Variants in MAVS observed in about 807,000 individuals in gnomAD.
MAVS encodes the protein mitochondrial antiviral signaling protein, also known as mitochondrial antiviral-signaling protein.
A neutral mutation model predicts 30.2 loss-of-function variants in MAVS; 20 were observed. The ratio of observed to expected loss-of-function variants is 0.66; its 90% CI spans 0.47 to 0.96. The LOEUF is 0.96. Ranked by LOEUF, MAVS falls within the 40% of genes least tolerant of loss-of-function variation. The probability of loss-of-function intolerance (pLI) is 0.00; values close to 1 mark genes in which losing one functional copy is unlikely to be tolerated. For missense variants in MAVS, 624 were observed against 701.1 expected, an observed-to-expected ratio of 0.89 and a Z score of 1.24; for synonymous variants, 278 against 293.9, an observed-to-expected ratio of 0.95 and a Z score of 0.55.
intron 1 of MAVS, among the ~76,000 whole-genome samples, chr20:3,853,072 C>A (rs1274187332): frequency 6.6e-6 from 1 of 150,828 alleles, no homozygotes; most frequent in South Asian, 2.1e-4. Context: ...AACTCCTGAC[C>A]TCGTGATCCA....
At chr20:3,853,365 C>G (rs933916486) in intron 1 of MAVS, among the ~76,000 whole-genome samples, 3 of 150,826 alleles carry the variant, frequency 2.0e-5, no homozygotes, top group Non-Finnish European at 4.4e-5. Flanking sequence ...GGGCGCCTGT[C>G]GTCCCAGCTA....
rs1020708034 is a variant in MAVS, at chr20:3,876,043, T to C, written c.*9896T>C. ...TACTTTAATTTTTTTTCCTACTTGCTGTCATGATGATGTCCTTAGAATTGT... is the reference window on the plus strand; with the variant it reads ...TACTTTAATTTTTTTTCCTACTTGCCGTCATGATGATGTCCTTAGAATTGT... On this transcript the variant is annotated 3_prime_UTR_variant, in exon 7 of 7. Coordinates refer to ENST00000428216, the MANE Select transcript of MAVS (RefSeq NM_020746.5). 6.6e-6 allele frequency: 1 copy of C among 152,362 alleles called. No homozygotes were observed. The highest frequency in any genetic ancestry group is 6.5e-5 in the Admixed American group (1 of 15,274). 9.4% of individuals were successfully genotyped at this position (152,362 alleles called of 1,614,324 possible).
chr20:3,867,157 T>C lies in MAVS; in HGVS notation c.*1010T>C, dbSNP rs1432933631. 1 of 430,272 alleles carries C rather than the reference T, an allele frequency of 2.3e-6. No homozygotes were observed. Among genetic ancestry groups the C allele is most frequent in the Admixed American group, 2.4e-5 (1 of 41,020 alleles). 26.7% of individuals were successfully genotyped at this position (430,272 alleles called of 1,614,324 possible). A position where few individuals can be genotyped will look rare whatever the true frequency, so the allele number is the denominator to read the frequency against. On this transcript the variant is annotated 3_prime_UTR_variant, in exon 7 of 7. Coordinates refer to ENST00000428216, the MANE Select transcript of MAVS (RefSeq NM_020746.5). Reference sequence around the variant, plus strand: ...AGTGCACAGTGGTCAAGGGTGCAGCTCTGCAGCACAGGCAGCCTAGGCCTG... The same window carrying C: ...AGTGCACAGTGGTCAAGGGTGCAGCCCTGCAGCACAGGCAGCCTAGGCCTG...
chr20:3,861,551 C>T lies in MAVS; in HGVS notation c.465+47C>T, dbSNP rs554845420. 7.7e-6 allele frequency: 12 copies of T among 1,568,470 alleles called. No individual in the cohort carries two copies. The South Asian group carries it at 1.4e-4, about 18-fold the overall frequency. The stretch of plus-strand genomic sequence containing the variant: ...TGAGCCACCACTTTTGTGTTCCTAT[C>T]TGCCCACTTCTGCCCATTGAGCCTT... On this transcript the variant is annotated intron_variant, in intron 4 of 6. Coordinates refer to ENST00000428216, the MANE Select transcript of MAVS (RefSeq NM_020746.5).
intron 1 of MAVS, among the ~76,000 whole-genome samples, chr20:3,853,164 G>T (rs2089776444): frequency 6.9e-6 from 1 of 145,864 alleles, no homozygotes; most frequent in East Asian, 2.2e-4. Context: ...GAGAGACTCA[G>T]GCAGTAATAA....
In MAVS at chr20:3,851,454, C is replaced by CT. The variant is rs532173564; in HGVS notation, c.-67-3104_-67-3103insT. Among the ~76,000 whole-genome samples, 271 of 145,064 alleles carry CT rather than the reference C, an allele frequency of 1.9e-3. 2 individuals are homozygous for CT. Among genetic ancestry groups the CT allele is most frequent in the African/African-American group, 6.4e-3 (251 of 39,130 alleles). ...GTGGGAGATGGAGGCTGCAGTGAGC[C>CT]GAGATCACACCACTGCACTCCAGCC... is the stretch of plus-strand genomic sequence containing the variant. On this transcript the variant is annotated intron_variant, in intron 1 of 6. Transcript: ENST00000428216.
chr20:3,866,831 C>A lies in MAVS; in HGVS notation c.*684C>A, dbSNP rs1223763552. On this transcript the variant is annotated 3_prime_UTR_variant, in exon 7 of 7. Coordinates refer to ENST00000428216, the MANE Select transcript of MAVS (RefSeq NM_020746.5). ...CTCTCCAGCCTCCTCTTTCCCTCCCCTCTGGTCTCCATTCTCTTCAGCTCC... is the reference window on the plus strand; with the variant it reads ...CTCTCCAGCCTCCTCTTTCCCTCCCATCTGGTCTCCATTCTCTTCAGCTCC... 2.2e-6 allele frequency: 1 copy of A among 454,946 alleles called. No homozygotes were observed. Among genetic ancestry groups the A allele is most frequent in the Non-Finnish European group, 4.4e-6 (1 of 225,286 alleles). The allele number at this position is 454,946 out of a possible 1,614,324, so 28.2% of individuals were successfully genotyped here.
chr20:3,853,995 C>G (rs1231200696), intron 1 of MAVS, among the ~76,000 whole-genome samples: 1 of 130,118 alleles, frequency 7.7e-6, no homozygotes, highest in Non-Finnish European at 1.6e-5. Context: ...ACGGGATTTT[C>G]TCCATGTTGG....
intron 1 of MAVS, among the ~76,000 whole-genome samples, chr20:3,847,706 C>T (rs1385401104): frequency 1.3e-5 from 2 of 152,322 alleles, no homozygotes; most frequent in South Asian, 2.1e-4. Flanking sequence ...CCTCAGCCTC[C>T]CTCCCGCCAA....
chr20:3,865,946 C>G lies in MAVS; in HGVS notation c.1422C>G (p.Pro474=), dbSNP rs1340512623. ...GTFGIHVAEN[P]SIQLLEGNPG... ...TTGGGATCCACGTGGCTGAGAACCCCAGCATCCAGCTCCTGGAGGGCAACC... is the reference window on the plus strand; with the variant it reads ...TTGGGATCCACGTGGCTGAGAACCCGAGCATCCAGCTCCTGGAGGGCAACC... Residue 474 remains proline (P), a synonymous_variant, in exon 7 of 7, where the codon CCC becomes CCG. Transcript: ENST00000428216. The surrounding 1 kb of genome is among the most constrained non-coding windows in gnomAD (Gnocchi z 4.7). The G allele has an allele frequency of 1.9e-6, 3 of 1,613,750 alleles. No individual in the cohort carries two copies. Among genetic ancestry groups the G allele is most frequent in the Non-Finnish European group, 2.5e-6 (3 of 1,179,918 alleles).
rs2089894849 is a variant in MAVS, at chr20:3,864,863, G to A, written c.1158+75G>A. ...AGCTTGCCCACCTGGCCCTGGCCTT[G>A]GCCCCTTCCCAGTCTGCATTCTGTG... is the stretch of plus-strand genomic sequence containing the variant. On this transcript the variant is annotated intron_variant, in intron 6 of 6. Transcript: ENST00000428216. The A allele has an allele frequency of 5.8e-6, 9 of 1,546,144 alleles. No individual in the cohort carries two copies. The Admixed American group carries it at 1.4e-4, about 24-fold the overall frequency.
intron 1 of MAVS, among the ~76,000 whole-genome samples, chr20:3,850,292 A>G (rs967542951): frequency 4.1e-5 from 6 of 146,756 alleles, no homozygotes; most frequent in Non-Finnish European, 7.5e-5. Context: ...AAAAAAAAAA[A>G]AAAAAAAGAA....
chr20:3,854,709 C>A lies in MAVS; in HGVS notation c.85C>A (p.Pro29Thr). ...FCNVDVVEIL[P>T]YLPCLTARDQ... ...CAATGTGGATGTTGTAGAGATTCTG[C>A]CTTACCTGCCCTGCCTCACAGCAAG... is the stretch of plus-strand genomic sequence containing the variant. The change falls in exon 2 of 7, where the codon CCT (proline) becomes ACT (threonine). Residue 29 changes from proline (P) to threonine (T), a missense_variant. By Grantham distance (38) the Pro-to-Thr change is conservative. Coordinates refer to ENST00000428216, the MANE Select transcript of MAVS (RefSeq NM_020746.5). 1 of 1,613,742 alleles carries A rather than the reference C, an allele frequency of 6.2e-7. No individual in the cohort carries two copies. The highest frequency in any genetic ancestry group is 8.5e-7 in the Non-Finnish European group (1 of 1,179,784).
intron 1 of MAVS, among the ~76,000 whole-genome samples, chr20:3,854,129 C>T (rs1052538001): frequency 2.0e-5 from 3 of 146,484 alleles, no homozygotes; most frequent in African/African-American, 7.4e-5. Context: ...CAAAATAAAA[C>T]AAAACAAAAA....
chr20:3,854,308 C>G (rs2089790021), intron 1 of MAVS, among the ~76,000 whole-genome samples: 1 of 150,206 alleles, frequency 6.7e-6, no homozygotes, highest in Non-Finnish European at 1.5e-5. Context: ...GTAATCCCAG[C>G]TACTCAGAAG....
chr20:3,857,908 C>T (rs746804656), intron 3 of MAVS, 99 bp downstream of exon 3: 35 of 1,328,168 alleles, frequency 2.6e-5, no homozygotes, highest in Non-Finnish European at 3.5e-5. Context: ...CTCTGTCATC[C>T]TCTTTCTTGT....
intron 1 of MAVS, among the ~76,000 whole-genome samples, chr20:3,852,025 G>C (rs1232729812): frequency 6.3e-5 from 8 of 127,392 alleles, no homozygotes; most frequent in Non-Finnish European, 1.2e-4. Flanking sequence ...GACGGAATCT[G>C]GCTCTGTCGC....
chr20:3,858,744 C>T (rs1168479505), intron 3 of MAVS, among the ~76,000 whole-genome samples: 1 of 150,516 alleles, frequency 6.6e-6, no homozygotes, highest in East Asian at 1.9e-4. Context: ...ACCCCCGAGA[C>T]CCTGGTCACA....
In MAVS at chr20:3,870,335, C is replaced by T. The variant is rs1403260325; in HGVS notation, c.*4188C>T. On this transcript the variant is annotated 3_prime_UTR_variant, in exon 7 of 7. Coordinates refer to ENST00000428216, the MANE Select transcript of MAVS (RefSeq NM_020746.5). ...TATCTGCATATTAGCCCCTCTCCAC[C>T]TTCTTTCTCCCGCTGAATCATTTCC... The T allele has an allele frequency of 6.6e-6, 1 of 152,426 alleles. No homozygotes were observed. The highest frequency in any genetic ancestry group is 1.5e-5 in the Non-Finnish European group (1 of 68,154). 9.4% of individuals were successfully genotyped at this position (152,426 alleles called of 1,614,324 possible).
Sources: allele counts gnomAD v4.1 joint callset (sites outside exome capture counted in the v4.1 genomes callset), GRCh38; gene constraint gnomAD v4.1.1; non-coding constraint Gnocchi (gnomAD v3.1); transcripts MANE v1.5; gene names NCBI Gene and HGNC (gene_info 2026-07-23, HGNC 2026-07-21).